Variants in TENM3 observed in about 807,000 individuals in gnomAD.
TENM3 encodes the protein teneurin transmembrane protein 3, also known as teneurin-3.
TENM3 carries 63 observed loss-of-function variants against 255.1 expected under a neutral mutation model. That is an observed-to-expected ratio of 0.25 (90% CI 0.20 to 0.30). The LOEUF is 0.30. Among genes scored for constraint, TENM3 ranks in the 10% least tolerant of loss-of-function variants. The probability of loss-of-function intolerance (pLI) is 1.00; values close to 1 mark genes in which losing one functional copy is unlikely to be tolerated. For missense variants in TENM3, 2,929 were observed against 3,461.1 expected (o/e 0.85, Z 3.86); for synonymous variants, 1,306 against 1,322.3 (o/e 0.99, Z 0.27).
At chr4:181,501,357 G>T in the TENM3 span, among the ~76,000 whole-genome samples, 6 of 151,472 alleles carry the variant, frequency 4.0e-5, no homozygotes, top group Non-Finnish European at 7.4e-5. Flanking sequence ...AATGGATTGG[G>T]TTTTTTTCTT....
At chr4:182,334,984 G>A (rs189474226) in intron 2 of TENM3, among the ~76,000 whole-genome samples, 34 of 152,150 alleles carry the variant, frequency 2.2e-4, no homozygotes, top group African/African-American at 7.7e-4. Flanking sequence ...ATATCATTAA[G>A]GCATCTCTCT....
At chr4:182,777,511 A>ATGTG (rs150202066) in intron 24 of TENM3, among the ~76,000 whole-genome samples, 1,130 of 99,868 alleles carry the variant, frequency 0.011, 11 homozygotes, top group African/African-American at 0.03. Context: ...TAATGTGTTT[A>ATGTG]TGTGTGTGTG....
chr4:181,806,776 AC>A, the TENM3 span, among the ~76,000 whole-genome samples: 1 of 152,238 alleles, frequency 6.6e-6, no homozygotes, highest in Non-Finnish European at 1.5e-5. Context: ...TTATAGCAGC[AC>A]AAAACAGACT....
chr4:182,260,113 T>C (rs1758685316), intron 1 of TENM3, among the ~76,000 whole-genome samples: 1 of 152,214 alleles, frequency 6.6e-6, no homozygotes, highest in East Asian at 1.9e-4. Flanking sequence ...GTGTATGGAC[T>C]AAATTTTCTT....
chr4:182,613,151 C>A (rs1294582078), intron 4 of TENM3, among the ~76,000 whole-genome samples: 1 of 152,094 alleles, frequency 6.6e-6, no homozygotes, highest in East Asian at 1.9e-4. Context: ...GAAGTCTTGT[C>A]CAGATAGCAC....
At chr4:182,211,828 C>T (rs1321536817) in intron 1 of TENM3, among the ~76,000 whole-genome samples, 29 of 152,176 alleles carry the variant, frequency 1.9e-4, no homozygotes, top group Non-Finnish European at 1.3e-4. Flanking sequence ...CTTTTACTTA[C>T]CGTGTGACTT....
At chr4:181,822,150 C>T in the TENM3 span, among the ~76,000 whole-genome samples, 146 of 152,210 alleles carry the variant, frequency 9.6e-4, no homozygotes, top group Middle Eastern at 3.4e-3. Flanking sequence ...AGATCTTTCT[C>T]CCTCCCTCAC....
intron 3 of TENM3, among the ~76,000 whole-genome samples, chr4:182,398,199 T>A (rs960135956): frequency 3.3e-5 from 5 of 152,120 alleles, no homozygotes; most frequent in African/African-American, 1.2e-4. Flanking sequence ...TGCTGGATCC[T>A]TTACGTGTTA....
At chr4:181,528,393 T>C in the TENM3 span, among the ~76,000 whole-genome samples, 6 of 152,316 alleles carry the variant, frequency 3.9e-5, no homozygotes, top group Admixed American at 3.9e-4. Context: ...CACAGTGCTG[T>C]GACACTATAG....
At chr4:181,569,472 C>A in the TENM3 span, among the ~76,000 whole-genome samples, 32 of 152,162 alleles carry the variant, frequency 2.1e-4, 1 homozygote, top group African/African-American at 7.2e-4. Flanking sequence ...GAATCTCTGT[C>A]ATGGTAAGGT....
chr4:181,868,300 A>G, the TENM3 span, among the ~76,000 whole-genome samples: 1 of 151,954 alleles, frequency 6.6e-6, no homozygotes, highest in Non-Finnish European at 1.5e-5. Flanking sequence ...AACCAGGATC[A>G]TGACTTCTAA....
At chr4:181,911,442 T>C in the TENM3 span, among the ~76,000 whole-genome samples, 5 of 152,186 alleles carry the variant, frequency 3.3e-5, 1 homozygote, top group African/African-American at 1.2e-4. Context: ...TTTACCAGGT[T>C]CTATGAGAGA....
the TENM3 span, among the ~76,000 whole-genome samples, chr4:182,037,418 G>C: frequency 6.6e-6 from 1 of 152,280 alleles, no homozygotes; most frequent in East Asian, 1.9e-4. Context: ...AAAGTGCTGG[G>C]ATTACAGGCG....
chr4:181,694,903 CCT>C, the TENM3 span, among the ~76,000 whole-genome samples: 1 of 152,146 alleles, frequency 6.6e-6, no homozygotes, highest in East Asian at 1.9e-4. Flanking sequence ...ATTCCAATTG[CCT>C]CTCTGTCACC....
At chr4:182,287,765 C>T (rs905262986) in intron 1 of TENM3, among the ~76,000 whole-genome samples, 1 of 151,828 alleles carries the variant, frequency 6.6e-6, no homozygotes, top group East Asian at 1.9e-4. Flanking sequence ...AGGCGCCCTC[C>T]ACCACACCCG....
the TENM3 span, among the ~76,000 whole-genome samples, chr4:181,701,654 T>C: frequency 2.6e-5 from 4 of 152,294 alleles, no homozygotes; most frequent in South Asian, 8.3e-4. Context: ...AATGCTTGCC[T>C]TTATAGTGAA....
At chr4:182,342,011 A>G (rs1437490095) in intron 2 of TENM3, among the ~76,000 whole-genome samples, 2 of 152,196 alleles carry the variant, frequency 1.3e-5, no homozygotes, top group African/African-American at 4.8e-5. Flanking sequence ...GCCTGTGCAG[A>G]ATTAAAACCC....
intron 3 of TENM3, among the ~76,000 whole-genome samples, chr4:182,592,656 A>G (rs1270336771): frequency 2.0e-5 from 3 of 152,344 alleles, no homozygotes; most frequent in Non-Finnish European, 4.4e-5. Flanking sequence ...CGGAGGTTGC[A>G]GTGAGCTGAG....
the TENM3 span, among the ~76,000 whole-genome samples, chr4:181,505,037 G>A: frequency 6.8e-4 from 104 of 152,232 alleles, 3 homozygotes; most frequent in South Asian, 0.02. Context: ...GGTGTGGGCC[G>A]GGCAGATGGC....
Sources: allele counts gnomAD v4.1 joint callset (sites outside exome capture counted in the v4.1 genomes callset), GRCh38; gene constraint gnomAD v4.1.1; transcripts MANE v1.5; gene names NCBI Gene and HGNC (gene_info 2026-07-23, HGNC 2026-07-21).